MICU3: variants seen among roughly 807,000 people sequenced by gnomAD.
MICU3 encodes the protein mitochondrial calcium uptake 3.
In MICU3, 62 loss-of-function variants were observed where a neutral mutation model predicts 66.5. That is an observed-to-expected ratio of 0.93 (90% CI 0.76 to 1.15). The LOEUF is 1.15. Among genes scored for constraint, MICU3 ranks in the 50% most tolerant of loss-of-function variants. The probability of loss-of-function intolerance (pLI) is 0.00; values close to 1 mark genes in which losing one functional copy is unlikely to be tolerated. For synonymous variants in MICU3, 308 were observed against 240.7 expected, an observed-to-expected ratio of 1.28 and a Z score of -2.59; for missense variants, 779 against 664.4, an observed-to-expected ratio of 1.17 and a Z score of -1.90.
At chr8:17,068,297 G>A (rs773046375) in intron 2 of MICU3, among the ~76,000 whole-genome samples, 8 of 152,032 alleles carry the variant, frequency 5.3e-5, no homozygotes, top group African/African-American at 1.4e-4. Context: ...TGACATTTCC[G>A]ACAGAATGAA....
At chr8:17,043,516 G>A (rs1362672515) in intron 1 of MICU3, among the ~76,000 whole-genome samples, 1 of 152,194 alleles carries the variant, frequency 6.6e-6, no homozygotes, top group African/African-American at 2.4e-5. Context: ...TGATAGGCAG[G>A]TTTTGGACTA....
At chr8:17,064,313 T>C in intron 2 of MICU3, 76 bp downstream of exon 2, 1 of 1,165,068 alleles carries the variant, frequency 8.6e-7, no homozygotes, top group Non-Finnish European at 1.2e-6. Context: ...TGGAGCAGTA[T>C]AAGTTTTTTA....
At chr8:17,098,347 A>T in intron 8 of MICU3, 111 bp from the exon 9 acceptor site, 3 of 781,652 alleles carry the variant, frequency 3.8e-6, no homozygotes, top group African/African-American at 1.7e-5. Flanking sequence ...AAACAAAAAA[A>T]GGTAAGCTAA....
At chr8:17,132,494 C>G in the MICU3 span, 2 of 152,324 alleles carry the variant, frequency 1.3e-5, no homozygotes, top group African/African-American at 2.4e-5. Flanking sequence ...ACACCCCAAA[C>G]TGTCTCCTGG....
chr8:17,052,718 C>T (rs1174308866), intron 1 of MICU3, among the ~76,000 whole-genome samples: 8 of 152,082 alleles, frequency 5.3e-5, no homozygotes, highest in Non-Finnish European at 1.0e-4. Flanking sequence ...TGGGATTTTC[C>T]CACACTGGGA....
chr8:17,054,337 A>G (rs1037778451), intron 1 of MICU3, among the ~76,000 whole-genome samples: 10 of 152,220 alleles, frequency 6.6e-5, no homozygotes, highest in Non-Finnish European at 8.8e-5. Context: ...GGATTTTACT[A>G]TATGAATGAA....
At chr8:17,137,636 G>C in the MICU3 span, among the ~76,000 whole-genome samples, 2 of 148,030 alleles carry the variant, frequency 1.4e-5, no homozygotes, top group Admixed American at 1.4e-4. Flanking sequence ...AAGTGTGTAA[G>C]TATGTCTAAG....
chr8:17,093,217 A>G (rs1800268432), intron 8 of MICU3, among the ~76,000 whole-genome samples: 1 of 152,026 alleles, frequency 6.6e-6, no homozygotes, highest in Non-Finnish European at 1.5e-5. Context: ...CAGTGATGAA[A>G]AGAAGTACAG....
At chr8:17,079,695 T>C (rs909485477) in intron 4 of MICU3, among the ~76,000 whole-genome samples, 1 of 152,018 alleles carries the variant, frequency 6.6e-6, no homozygotes, top group African/African-American at 2.4e-5. Context: ...AGTCTCACTT[T>C]GTTGCCCAGG....
intron 1 of MICU3, among the ~76,000 whole-genome samples, chr8:17,036,624 C>T (rs563502028): frequency 1.3e-5 from 2 of 152,346 alleles, no homozygotes; most frequent in South Asian, 4.1e-4. Flanking sequence ...CAGCTAGATA[C>T]AGATTGTCGA....
chr8:17,090,155 A>G (rs1799895051), intron 7 of MICU3, among the ~76,000 whole-genome samples: 1 of 152,058 alleles, frequency 6.6e-6, no homozygotes, highest in Non-Finnish European at 1.5e-5. Flanking sequence ...GGATTCCAGC[A>G]CAGGTCTCTC....
chr8:17,137,524 A>T, the MICU3 span, among the ~76,000 whole-genome samples: 51 of 145,748 alleles, frequency 3.5e-4, no homozygotes, highest in African/African-American at 1.2e-3. Flanking sequence ...TTTTTTTTAA[A>T]AAAAAAAAAA....
intron 1 of MICU3, among the ~76,000 whole-genome samples, chr8:17,050,340 T>G (rs1025912665): frequency 1.3e-5 from 2 of 151,670 alleles, no homozygotes; most frequent in African/African-American, 4.8e-5. Flanking sequence ...AATATTATAT[T>G]TAGGAAATTT....
At chr8:17,077,207 A>G (rs1387538370) in intron 3 of MICU3, among the ~76,000 whole-genome samples, 1 of 152,224 alleles carries the variant, frequency 6.6e-6, no homozygotes, top group East Asian at 1.9e-4. Flanking sequence ...AAATTGAAAC[A>G]GTGACCACAA....
chr8:17,061,624 A>G (rs1172029776), intron 1 of MICU3, among the ~76,000 whole-genome samples: 1 of 152,138 alleles, frequency 6.6e-6, no homozygotes, highest in East Asian at 1.9e-4. Flanking sequence ...TGGGAGCTCC[A>G]GGCTGAGTGG....
chr8:17,048,415 A>G (rs1163131407), intron 1 of MICU3, among the ~76,000 whole-genome samples: 2 of 152,214 alleles, frequency 1.3e-5, no homozygotes, highest in East Asian at 1.9e-4. Context: ...GAAAGAGAGC[A>G]TGTGCGGGGG....
chr8:17,033,252 G>C (rs542025996), intron 1 of MICU3, among the ~76,000 whole-genome samples: 2 of 152,162 alleles, frequency 1.3e-5, no homozygotes, highest in Admixed American at 6.5e-5. Context: ...AAGAGTTAGC[G>C]AAGTTGTGAA....
At chr8:17,037,075 C>T (rs1813151431) in intron 1 of MICU3, among the ~76,000 whole-genome samples, 1 of 152,240 alleles carries the variant, frequency 6.6e-6, no homozygotes, top group African/African-American at 2.4e-5. Flanking sequence ...AAGTCCCTCA[C>T]TGCCCGGGGC....
rs1198287060 is a variant in MICU3 at position 17,122,483 on chromosome 8, A to G, written c.*2196A>G. 1 of 151,970 alleles carries G rather than the reference A, an allele frequency of 6.6e-6. No homozygotes were observed. The highest frequency in any genetic ancestry group is 1.5e-5 in the Non-Finnish European group (1 of 67,804). 9.4% of individuals were successfully genotyped at this position (151,970 alleles called of 1,614,324 possible). ...ATATTAAACTTTTTACAGAAAGCAT[A>G]CATGATAAACAGTTTATGGTACTTC... On this transcript the variant is annotated 3_prime_UTR_variant, in exon 15 of 15. Coordinates refer to ENST00000318063, the MANE Select transcript of MICU3 (RefSeq NM_181723.3).
Sources: allele counts gnomAD v4.1 joint callset (sites outside exome capture counted in the v4.1 genomes callset), GRCh38; gene constraint gnomAD v4.1.1; transcripts MANE v1.5; gene names NCBI Gene and HGNC (gene_info 2026-07-23, HGNC 2026-07-21).